The following DACH2 variants were observed in gnomAD, a reference collection of about 807,000 sequenced individuals.
DACH2 encodes dachshund homolog 2.
A neutral mutation model predicts 35.8 loss-of-function variants in DACH2; 17 were observed. The ratio of observed to expected loss-of-function variants is 0.48; its 90% CI spans 0.33 to 0.71. The LOEUF (loss-of-function observed/expected upper bound fraction) is 0.71. Among genes scored for constraint, DACH2 ranks in the 30% least tolerant of loss-of-function variants. The pLI, the probability that DACH2 is intolerant of heterozygous loss-of-function variation, is 0.02. For missense variants in DACH2, 469 were observed against 472.7 expected (o/e 0.99, Z 0.07); for synonymous variants, 195 against 177.3 (o/e 1.10, Z -0.79).
intron 5 of DACH2, among the ~76,000 whole-genome samples, chrX:86,706,749 A>C (rs1186995316): frequency 9.1e-6 from 1 of 110,452 alleles, no homozygotes; most frequent in African/African-American, 3.3e-5. Context: ...ATACCACACA[A>C]GTCAAAAAAG....
chrX:86,259,962 T>G (rs1416696684), intron 1 of DACH2, among the ~76,000 whole-genome samples: 2 of 111,409 alleles, frequency 1.8e-5, no homozygotes, highest in Non-Finnish European at 3.8e-5. Context: ...TTATTTTTTT[T>G]TAGAAATATC....
chrX:86,754,405 A>G (rs965605347), intron 7 of DACH2, among the ~76,000 whole-genome samples: 57 of 111,592 alleles, frequency 5.1e-4, no homozygotes, highest in African/African-American at 1.8e-3. Flanking sequence ...AGGAGGGACT[A>G]ACAAACTTCA....
chrX:86,803,335 G>T (rs2042312686), intron 7 of DACH2, among the ~76,000 whole-genome samples: 1 of 111,346 alleles, frequency 9.0e-6, no homozygotes, highest in African/African-American at 3.3e-5. Flanking sequence ...ATTTACACTA[G>T]ACATTCTGTG....
intron 1 of DACH2, among the ~76,000 whole-genome samples, chrX:86,323,869 C>A (rs956781000): frequency 8.9e-6 from 1 of 112,109 alleles, no homozygotes; most frequent in African/African-American, 3.2e-5. Context: ...GGTGGCTAGC[C>A]CTCATGGCTC....
intron 4 of DACH2, among the ~76,000 whole-genome samples, chrX:86,657,174 A>G (rs1389386697): frequency 9.1e-6 from 1 of 109,311 alleles, no homozygotes; most frequent in Non-Finnish European, 1.9e-5. Context: ...AGTATGTGCT[A>G]GCACAACAGG....
At chrX:86,340,439 A>T (rs749753480) in intron 1 of DACH2, among the ~76,000 whole-genome samples, 25 of 111,310 alleles carry the variant, frequency 2.2e-4, no homozygotes, top group African/African-American at 7.8e-4. Flanking sequence ...TAATCGCTAA[A>T]TGTCTGCGTG....
chrX:86,260,523 G>A (rs1052396419), intron 1 of DACH2, among the ~76,000 whole-genome samples: 2 of 111,860 alleles, frequency 1.8e-5, no homozygotes, highest in Non-Finnish European at 3.8e-5. Flanking sequence ...ACTGCAAGAA[G>A]CAGAATTTTT....
chrX:86,273,259 C>T (rs749935835), intron 1 of DACH2, among the ~76,000 whole-genome samples: 2 of 111,574 alleles, frequency 1.8e-5, no homozygotes, highest in Non-Finnish European at 1.9e-5. Flanking sequence ...CCTTATTTAA[C>T]GTTCAATTAG....
chrX:86,800,019 T>G (rs1340002388), intron 7 of DACH2, among the ~76,000 whole-genome samples: 1 of 112,056 alleles, frequency 8.9e-6, no homozygotes, highest in Non-Finnish European at 1.9e-5. Context: ...CATTCAGTAA[T>G]GTTTATTGTG....
At chrX:86,610,930 A>T (rs961611607) in intron 3 of DACH2, among the ~76,000 whole-genome samples, 1 of 110,839 alleles carries the variant, frequency 9.0e-6, no homozygotes, top group African/African-American at 3.3e-5. Context: ...TGGTGACTAT[A>T]GTTCAAGACA....
intron 3 of DACH2, among the ~76,000 whole-genome samples, chrX:86,533,246 T>C (rs1172459889): frequency 1.8e-5 from 2 of 111,357 alleles, no homozygotes; most frequent in Non-Finnish European, 3.8e-5. Flanking sequence ...AGAGGTTTAG[T>C]CTCACTGTGT....
intron 2 of DACH2, among the ~76,000 whole-genome samples, chrX:86,398,580 G>A (rs1348633561): frequency 4.5e-5 from 5 of 111,715 alleles, no homozygotes; most frequent in African/African-American, 6.5e-5. Flanking sequence ...AGAGATTCTG[G>A]TATGTTGTGT....
chrX:86,308,992 C>A (rs969381369), intron 1 of DACH2, among the ~76,000 whole-genome samples: 1 of 111,515 alleles, frequency 9.0e-6, no homozygotes, highest in African/African-American at 3.3e-5. Context: ...GGCAGAACCC[C>A]CACATTGGCT....
At chrX:86,419,263 G>T (rs925061465) in intron 2 of DACH2, among the ~76,000 whole-genome samples, 2 of 111,530 alleles carry the variant, frequency 1.8e-5, no homozygotes, top group Non-Finnish European at 3.8e-5. Flanking sequence ...CAACTCTACT[G>T]GTACGAATTT....
At chrX:86,563,633 C>T (rs1326359471) in intron 3 of DACH2, among the ~76,000 whole-genome samples, 1 of 110,319 alleles carries the variant, frequency 9.1e-6, no homozygotes, top group Non-Finnish European at 1.9e-5. Flanking sequence ...GTAAGATGTC[C>T]GACCAAGAGA....
At chrX:86,180,175 C>CATAT (rs1569292909) in intron 1 of DACH2, among the ~76,000 whole-genome samples, 5 of 15,594 alleles carry the variant, frequency 3.2e-4, no homozygotes, top group African/African-American at 1.2e-3. Flanking sequence ...CATGCTAAAC[C>CATAT]GTATATATAT....
intron 1 of DACH2, among the ~76,000 whole-genome samples, chrX:86,345,118 A>G (rs1241132781): frequency 9.0e-6 from 1 of 111,670 alleles, no homozygotes; most frequent in Admixed American, 9.6e-5. Context: ...TTTCCCCACA[A>G]AAGTGGTAAT....
At chrX:86,815,508 T>C (rs2042438813) in intron 10 of DACH2, among the ~76,000 whole-genome samples, 1 of 108,935 alleles carries the variant, frequency 9.2e-6, no homozygotes, top group South Asian at 3.9e-4. Flanking sequence ...AAAACATTTG[T>C]CCCTAGAGCC....
At chrX:86,521,026 A>G (rs1375618233) in intron 3 of DACH2, among the ~76,000 whole-genome samples, 1 of 111,437 alleles carries the variant, frequency 9.0e-6, no homozygotes, top group Non-Finnish European at 1.9e-5. Context: ...GTGTTTTTAT[A>G]TTAGCTGGCA....
Sources: gnomAD v4.1 joint callset for allele counts (sites outside exome capture counted in the v4.1 genomes callset) on GRCh38, gnomAD v4.1.1 for gene constraint, MANE v1.5 for transcripts, NCBI Gene and HGNC (gene_info 2026-07-23, HGNC 2026-07-21) for gene names.